The following MTREX variants were observed in gnomAD, a reference collection of about 807,000 sequenced individuals.
The protein encoded by MTREX is exosome RNA helicase MTR4.
A neutral mutation model predicts 135.4 loss-of-function variants in MTREX; 76 were observed. That is an observed-to-expected ratio of 0.56 (90% CI 0.47 to 0.68). MTREX has a LOEUF of 0.68. MTREX is among the 30% of genes least tolerant of loss of function. The pLI, the probability that MTREX is intolerant of heterozygous loss-of-function variation, is 0.00. For synonymous variants in MTREX, 404 were observed against 401.6 expected, an observed-to-expected ratio of 1.01 and a Z score of -0.07; for missense variants, 920 against 1,262.1, an observed-to-expected ratio of 0.73 and a Z score of 4.11.
intron 1 of MTREX, among the ~76,000 whole-genome samples, chr5:55,310,052 A>C (rs1749085816): frequency 6.6e-6 from 1 of 152,226 alleles, no homozygotes; most frequent in African/African-American, 2.4e-5. Context: ...TATTATGAAG[A>C]CAATACATGT....
intron 21 of MTREX, among the ~76,000 whole-genome samples, chr5:55,400,910 G>A (rs1047718309): frequency 6.6e-6 from 1 of 152,208 alleles, no homozygotes; most frequent in African/African-American, 2.4e-5. Flanking sequence ...ATAGAATCAT[G>A]TAATATATGA....
chr5:55,409,613 A>C (rs554546549), intron 22 of MTREX, among the ~76,000 whole-genome samples: 2 of 152,330 alleles, frequency 1.3e-5, no homozygotes, highest in East Asian at 1.9e-4. Flanking sequence ...CAACAAAATC[A>C]AGTTGTCAGT....
chr5:55,375,479 G>C (rs1347962646), intron 16 of MTREX, among the ~76,000 whole-genome samples: 1 of 152,148 alleles, frequency 6.6e-6, no homozygotes, highest in African/African-American at 2.4e-5. Context: ...ATATGGCTCT[G>C]TTCTGCCCGG....
chr5:55,322,535 C>T (rs949032431), intron 2 of MTREX, 71 bp downstream of exon 2: 94 of 1,157,564 alleles, frequency 8.1e-5, no homozygotes, highest in Middle Eastern at 4.2e-4. Context: ...TAAAAATTGT[C>T]TCCATGTTGC....
At chr5:55,322,726 T>TA in intron 2 of MTREX, among the ~76,000 whole-genome samples, 1 of 152,280 alleles carries the variant, frequency 6.6e-6, no homozygotes, top group Middle Eastern at 3.4e-3. Context: ...TTAAAAAAAA[T>TA]ACGTTTTCTT....
chr5:55,330,712 A>G (rs192354564), intron 5 of MTREX, among the ~76,000 whole-genome samples: 279 of 149,156 alleles, frequency 1.9e-3, no homozygotes, highest in Middle Eastern at 0.01. Flanking sequence ...GGTTTCTTAG[A>G]TGTGTGGATT....
intron 16 of MTREX, among the ~76,000 whole-genome samples, chr5:55,374,677 G>A (rs1479831374): frequency 6.6e-6 from 1 of 152,104 alleles, no homozygotes; most frequent in Non-Finnish European, 1.5e-5. Flanking sequence ...CCTAAGACCA[G>A]GGCTACAACT....
chr5:55,326,058 A>G lies in MTREX; in HGVS notation c.340-1658A>G, dbSNP rs1311443664. On this transcript the variant is annotated intron_variant, in intron 3 of 26. Coordinates refer to ENST00000230640, the MANE Select transcript of MTREX (RefSeq NM_015360.5). Reference sequence around the variant, plus strand: ...TGTGATGTCCATTTGATTATTCAAGATATGTTAGACCCTATTCAGTTATCT... The same window carrying G: ...TGTGATGTCCATTTGATTATTCAAGGTATGTTAGACCCTATTCAGTTATCT... Among the ~76,000 whole-genome samples the G allele has an allele frequency of 2.0e-5, 3 of 152,230 alleles. No individual in the cohort carries two copies. In the East Asian group the frequency reaches 5.8e-4, roughly 29 times the overall value.
chr5:55,375,221 G>T (rs191674239), intron 16 of MTREX, among the ~76,000 whole-genome samples: 2,094 of 152,276 alleles, frequency 0.014, 48 homozygotes, highest in African/African-American at 0.047. Context: ...AGGAGACAGG[G>T]TTTTGAGATC....
chr5:55,336,013 G>C lies in MTREX; in HGVS notation c.516-3997G>C, dbSNP rs554876058. On this transcript the variant is annotated intron_variant, in intron 5 of 26. Coordinates refer to ENST00000230640, the MANE Select transcript of MTREX (RefSeq NM_015360.5). ...TAAGTATTTCTGTTTATGCTATTGT[G>C]AATCACATTTTTTCTTAAGGTCATA... Among the ~76,000 whole-genome samples, 22 of 152,136 alleles carry C rather than the reference G, an allele frequency of 1.4e-4. No homozygotes were observed. The South Asian group carries it at 4.4e-3, about 30-fold the overall frequency.
intron 10 of MTREX, among the ~76,000 whole-genome samples, chr5:55,345,664 A>AT (rs553778793): frequency 0.046 from 6,173 of 132,848 alleles, 168 homozygotes; most frequent in Admixed American, 0.058. Flanking sequence ...GTTACTTTTA[A>AT]TTTTTTTTTT....
Position 55,420,064 on chromosome 5 carries a change from G to T in MTREX, c.2972-2814G>T, listed in dbSNP as rs971326306. Among the ~76,000 whole-genome samples the T allele has an allele frequency of 3.3e-5, 5 of 152,296 alleles. No homozygotes were observed. In the East Asian group the frequency reaches 9.6e-4, roughly 29 times the overall value. ...AGTACCTGATACTTACTCGTTTAAT[G>T]AATAATTCTGAGACCCTAGTGGGAA... On this transcript the variant is annotated intron_variant, in intron 25 of 26. Transcript: ENST00000230640.
At chr5:55,407,222 A>C (rs1750821745) in intron 22 of MTREX, among the ~76,000 whole-genome samples, 1 of 152,208 alleles carries the variant, frequency 6.6e-6, no homozygotes, top group Non-Finnish European at 1.5e-5. Flanking sequence ...TCTTCATAGA[A>C]CCAGGAGACT....
rs899874997 is a variant in MTREX, at chr5:55,381,506, C to A, written c.2052+2311C>A. Reference sequence around the variant, plus strand: ...TATTTTCTAATTTCCCTTTTGATTTCTTCTTTAACCCATTGGTTATTTAGG... The same window carrying A: ...TATTTTCTAATTTCCCTTTTGATTTATTCTTTAACCCATTGGTTATTTAGG... On this transcript the variant is annotated intron_variant, in intron 18 of 26. Transcript: ENST00000230640. Among the ~76,000 whole-genome samples, 3 of 152,048 alleles carry A rather than the reference C, an allele frequency of 2.0e-5. No homozygotes were observed. In the East Asian group the frequency reaches 5.8e-4, roughly 29 times the overall value.
At chr5:55,352,178 C>T (rs1374878335) in intron 13 of MTREX, among the ~76,000 whole-genome samples, 2 of 151,732 alleles carry the variant, frequency 1.3e-5, no homozygotes, top group Non-Finnish European at 2.9e-5. Context: ...CATGCCCAGC[C>T]TCATACATTA....
intron 26 of MTREX, 169 bp downstream of exon 26, chr5:55,423,151 G>A: frequency 3.3e-6 from 2 of 599,258 alleles, no homozygotes; most frequent in South Asian, 4.3e-5. Flanking sequence ...GGGAAAAGTT[G>A]AGATTTTATA....
At chr5:55,388,476 G>A (rs1446286599) in intron 19 of MTREX, among the ~76,000 whole-genome samples, 2 of 152,040 alleles carry the variant, frequency 1.3e-5, no homozygotes, top group African/African-American at 4.8e-5. Flanking sequence ...CCATTCCCAT[G>A]GAAATAGAGG....
intron 19 of MTREX, among the ~76,000 whole-genome samples, chr5:55,394,989 C>T (rs1750625404): frequency 6.6e-6 from 1 of 150,776 alleles, no homozygotes; most frequent in Non-Finnish European, 1.5e-5. Context: ...ACCGAGATCG[C>T]ACCGCTGCAC....
intron 14 of MTREX, among the ~76,000 whole-genome samples, chr5:55,354,422 G>A (rs1004332442): frequency 4.6e-5 from 7 of 152,156 alleles, no homozygotes; most frequent in African/African-American, 1.7e-4. Flanking sequence ...CTGGCTTTGG[G>A]GAAAATAGTC....
Sources: allele counts gnomAD v4.1 joint callset (sites outside exome capture counted in the v4.1 genomes callset), GRCh38; gene constraint gnomAD v4.1.1; transcripts MANE v1.5; gene names NCBI Gene and HGNC (gene_info 2026-07-23, HGNC 2026-07-21).